TANC1: variants seen among roughly 807,000 people sequenced by gnomAD.
The protein encoded by TANC1 is protein TANC1.
Under a neutral mutation model 149.7 loss-of-function variants are expected in TANC1, and 77 were observed. That is an observed-to-expected ratio of 0.51 (90% CI 0.43 to 0.62). The LOEUF (loss-of-function observed/expected upper bound fraction) is 0.62, where lower values mean the gene tolerates loss of function less well. Ranked by LOEUF, TANC1 falls within the 20% of genes least tolerant of loss-of-function variation. TANC1 has a pLI of 0.00. For missense variants in TANC1, 1,985 were observed against 2,321.8 expected (o/e 0.85, Z 2.98); for synonymous variants, 854 against 925.0 (o/e 0.92, Z 1.39).
At chr2:159,060,188 C>G in intron 2 of TANC1, 1 of 446,558 alleles carries the variant, frequency 2.2e-6, no homozygotes, top group Non-Finnish European at 3.0e-6. Context: ...TTCTTTGAAG[C>G]AAAGAAGAAA....
At position 159,217,501 on chromosome 2, in the gene TANC1, GA is replaced by G. The variant is rs1262526318; in HGVS notation, c.3250del (p.Thr1084LeufsTer55). On this transcript the variant is annotated frameshift_variant, in exon 20 of 27. Coordinates refer to ENST00000263635, the MANE Select transcript of TANC1 (RefSeq NM_033394.3). LOFTEE classifies it high-confidence loss of function. ...CTCCATGTGACTTTCCTTTAGCCCT[GA>G]CTGCCGCCGCAGGAAGAGGGAAGCT... Reference protein sequence around the residue: ...TDTLWGETALTAAAGRGKLEV... With the variant: ...TDTLWGETALXAAAGRGKLEV... The G allele has an allele frequency of 1.2e-6, 2 of 1,614,224 alleles. No individual in the cohort carries two copies. Among genetic ancestry groups the G allele is most frequent in the Non-Finnish European group, 1.7e-6 (2 of 1,180,046 alleles).
chr2:159,010,470 C>T lies in TANC1; in HGVS notation c.-16+9281C>T, dbSNP rs949755275. 3.3e-5 allele frequency among the ~76,000 whole-genome samples: 5 copies of T among 152,152 alleles called. 1 individual carries two copies. Among genetic ancestry groups the T allele is most frequent in the African/African-American group, 2.4e-5 (1 of 41,444 alleles). ...TTGTGCTGATTCTAGATGCATTACT[C>T]ATTAGGAGAATGCAAACTTGCCCTC... On this transcript the variant is annotated intron_variant, in intron 2 of 26. Coordinates refer to ENST00000263635, the MANE Select transcript of TANC1 (RefSeq NM_033394.3).
At chr2:158,987,631 C>T (rs910914470) in intron 1 of TANC1, among the ~76,000 whole-genome samples, 1 of 152,164 alleles carries the variant, frequency 6.6e-6, no homozygotes, top group Non-Finnish European at 1.5e-5. Flanking sequence ...TTCCCCTTCC[C>T]CTCTGTCATG....
At chr2:159,069,801 C>T (rs1479341012) in intron 3 of TANC1, among the ~76,000 whole-genome samples, 5 of 119,746 alleles carry the variant, frequency 4.2e-5, no homozygotes, top group African/African-American at 6.5e-5. Context: ...CAGGGTTTTG[C>T]TGAGTCACCC....
chr2:159,165,008 C>T (rs189967078), intron 8 of TANC1, among the ~76,000 whole-genome samples: 12 of 152,274 alleles, frequency 7.9e-5, no homozygotes, highest in Non-Finnish European at 1.5e-4. Flanking sequence ...CGCTTTAGAC[C>T]GTATTTACCT....
chr2:159,224,026 A>C (rs1314633428), intron 22 of TANC1, among the ~76,000 whole-genome samples: 1 of 152,244 alleles, frequency 6.6e-6, no homozygotes, highest in African/African-American at 2.4e-5. Flanking sequence ...CATCCCTGAC[A>C]GCAAAATCTC....
In TANC1 at chr2:159,059,172, A is replaced by G. The variant is rs148231781; in HGVS notation, c.-15-6724A>G. Among the ~76,000 whole-genome samples, 323 of 152,330 alleles carry G rather than the reference A, an allele frequency of 2.1e-3. 2 individuals carry two copies. Among genetic ancestry groups the G allele is most frequent in the African/African-American group, 7.1e-3 (297 of 41,580 alleles). Reference sequence around the variant, plus strand: ...TGGATCTATGTGTCTTAGAGAATAAATTATAGTTTAATGTCATATTTTCCA... The same window carrying G: ...TGGATCTATGTGTCTTAGAGAATAAGTTATAGTTTAATGTCATATTTTCCA... On this transcript the variant is annotated intron_variant, in intron 2 of 26. Transcript: ENST00000263635.
intron 3 of TANC1, among the ~76,000 whole-genome samples, chr2:159,081,682 T>C (rs917724101): frequency 2.6e-5 from 4 of 152,096 alleles, no homozygotes. Flanking sequence ...CTTATATGCT[T>C]TTTTTTCCTT....
chr2:159,075,952 G>C (rs1408523063), intron 3 of TANC1, among the ~76,000 whole-genome samples: 1 of 152,182 alleles, frequency 6.6e-6, no homozygotes, highest in Non-Finnish European at 1.5e-5. Context: ...GTGCCTGCTT[G>C]CACAATTCCT....
At chr2:159,076,719 C>T (rs753572958) in intron 3 of TANC1, among the ~76,000 whole-genome samples, 8 of 150,708 alleles carry the variant, frequency 5.3e-5, no homozygotes, top group Non-Finnish European at 1.2e-4. Flanking sequence ...AAATTGAGTT[C>T]AATTTCTTGC....
chr2:159,125,882 C>G (rs1185329167), intron 4 of TANC1, among the ~76,000 whole-genome samples: 1 of 152,116 alleles, frequency 6.6e-6, no homozygotes. Flanking sequence ...GCTGTTGAGC[C>G]CGGCCTAGGT....
chr2:159,081,063 C>T (rs1027784452), intron 3 of TANC1, among the ~76,000 whole-genome samples: 26 of 152,306 alleles, frequency 1.7e-4, no homozygotes, highest in African/African-American at 6.0e-4. Context: ...GAGGAAGGGC[C>T]AGCTGTCGAG....
chr2:159,038,149 C>A (rs2040350393), intron 2 of TANC1, among the ~76,000 whole-genome samples: 1 of 152,100 alleles, frequency 6.6e-6, no homozygotes, highest in Admixed American at 6.6e-5. Context: ...TGATTTGGCT[C>A]TCTGTGTCTG....
intron 14 of TANC1, among the ~76,000 whole-genome samples, chr2:159,185,326 G>C (rs113734587): frequency 1.1e-4 from 16 of 152,312 alleles, no homozygotes; most frequent in African/African-American, 3.8e-4. Context: ...GGTGCTGTTG[G>C]CTGGATGTCC....
rs573100132 is a variant in TANC1, at chr2:159,015,093, A to G, written c.-16+13904A>G. Among the ~76,000 whole-genome samples the G allele has an allele frequency of 2.0e-5, 3 of 152,250 alleles. No individual in the cohort carries two copies. In the South Asian group the frequency reaches 6.2e-4, roughly 32 times the overall value. ...CTCTGACCCCACATTTCCTTTCCACACTGCTGTAGCAGAGGTTCTCCGTGA... is the reference window on the plus strand; with the variant it reads ...CTCTGACCCCACATTTCCTTTCCACGCTGCTGTAGCAGAGGTTCTCCGTGA... On this transcript the variant is annotated intron_variant, in intron 2 of 26. Transcript: ENST00000263635.
Position 158,981,534 on chromosome 2 carries a change from TATATATATAA to T in TANC1, c.-126+12754_-126+12763del, listed in dbSNP as rs1234034509. Among the ~76,000 whole-genome samples, 1,009 of 103,040 alleles carry T rather than the reference TATATATATAA, an allele frequency of 9.8e-3. 31 individuals are homozygous for T. Among genetic ancestry groups the T allele is most frequent in the Middle Eastern group, 0.015 (3 of 200 alleles). 67.6% of individuals were successfully genotyped at this position (103,040 alleles called of 152,430 possible). A position where few individuals can be genotyped will look rare whatever the true frequency, so the allele number is the denominator to read the frequency against. ...ATATATATATATATATATATATATA[TATATATATAA>T]AGAAGTAACAGCTTAGAGTTTAAAA... On this transcript the variant is annotated intron_variant, in intron 1 of 26. Coordinates refer to ENST00000263635, the MANE Select transcript of TANC1 (RefSeq NM_033394.3).
intron 3 of TANC1, among the ~76,000 whole-genome samples, chr2:159,077,594 A>T (rs1432219813): frequency 2.0e-5 from 3 of 152,212 alleles, no homozygotes; most frequent in Non-Finnish European, 4.4e-5. Flanking sequence ...AATACATCTT[A>T]TTCTGTAAAC....
chr2:159,093,838 C>T (rs371440278), intron 3 of TANC1, among the ~76,000 whole-genome samples: 17 of 151,988 alleles, frequency 1.1e-4, no homozygotes, highest in East Asian at 7.8e-4. Flanking sequence ...CTCATGCTTA[C>T]AGCATGCTTT....
At position 159,230,338 on chromosome 2, in the gene TANC1, G is replaced by A. The variant is rs754296909; in HGVS notation, c.4912G>A (p.Val1638Met). 3.7e-6 allele frequency: 6 copies of A among 1,614,116 alleles called. No homozygotes were observed. Among genetic ancestry groups the A allele is most frequent in the Non-Finnish European group, 5.1e-6 (6 of 1,180,030 alleles). ...ERLLSHSSVA[V>M]DAAPPNQGGL... ...GCTTCTGTCTCATTCCTCCGTGGCTGTGGACGCAGCCCCTCCAAACCAAGG... is the reference window on the plus strand; with the variant it reads ...GCTTCTGTCTCATTCCTCCGTGGCTATGGACGCAGCCCCTCCAAACCAAGG... The change falls in exon 27 of 27, where the codon GTG becomes ATG. Residue 1638 changes from valine to methionine, a missense_variant. By Grantham distance (21) the Val-to-Met change is conservative. Transcript: ENST00000263635. The surrounding 1 kb of genome is among the most constrained non-coding windows in gnomAD (Gnocchi z 4.4).
Sources: gnomAD v4.1 joint callset for allele counts (sites outside exome capture counted in the v4.1 genomes callset) on GRCh38, gnomAD v4.1.1 for gene constraint, Gnocchi (gnomAD v3.1) non-coding constraint, MANE v1.5 for transcripts, NCBI Gene and HGNC (gene_info 2026-07-23, HGNC 2026-07-21) for gene names.